The following SHISAL2A variants were observed in gnomAD, a reference collection of about 807,000 sequenced individuals.
The protein encoded by SHISAL2A is shisa like 2A, also known as protein shisa-like-2A.
A neutral mutation model predicts 11.5 loss-of-function variants in SHISAL2A; 18 were observed. The ratio of observed to expected loss-of-function variants is 1.57; its 90% CI spans 1.08 to 2.33. The LOEUF is 2.33. SHISAL2A is among the 30% of genes most tolerant of loss of function. The probability of loss-of-function intolerance (pLI) is 0.00; values close to 1 mark genes in which losing one functional copy is unlikely to be tolerated. For synonymous variants in SHISAL2A, 94 were observed against 99.6 expected (o/e 0.94, Z 0.34); for missense variants, 261 against 250.9 (o/e 1.04, Z -0.27).
intron 4 of SHISAL2A, among the ~76,000 whole-genome samples, chr1:52,666,172 C>T (rs1692008646): frequency 6.6e-6 from 1 of 152,198 alleles, no homozygotes; most frequent in Admixed American, 6.5e-5. Context: ...AGTGTACCGG[C>T]TGGGAGCGGT....
At chr1:52,654,331 C>CTAAAG (rs1691743446) in intron 2 of SHISAL2A, among the ~76,000 whole-genome samples, 1 of 151,874 alleles carries the variant, frequency 6.6e-6, no homozygotes, top group Non-Finnish European at 1.5e-5. Flanking sequence ...ACTAGAATAG[C>CTAAAG]TAAAGTAATA....
chr1:52,665,334 G>A (rs1028983924), intron 4 of SHISAL2A, among the ~76,000 whole-genome samples: 5 of 152,182 alleles, frequency 3.3e-5, no homozygotes, highest in African/African-American at 1.2e-4. Flanking sequence ...CTGTGAATCT[G>A]ACATTCTGTA....
At chr1:52,648,893 G>A (rs904101763) in intron 2 of SHISAL2A, among the ~76,000 whole-genome samples, 2 of 150,902 alleles carry the variant, frequency 1.3e-5, no homozygotes, top group East Asian at 2.0e-4. Context: ...TTCATCCCTC[G>A]GCCCTGTGAA....
intron 4 of SHISAL2A, among the ~76,000 whole-genome samples, chr1:52,662,956 G>T (rs909747876): frequency 6.6e-6 from 1 of 152,186 alleles, no homozygotes; most frequent in South Asian, 2.1e-4. Flanking sequence ...GGCTGCTGTC[G>T]TGCAGCCAGC....
chr1:52,641,190 G>A (rs1691355947), intron 1 of SHISAL2A, among the ~76,000 whole-genome samples: 1 of 152,102 alleles, frequency 6.6e-6, no homozygotes, highest in Non-Finnish European at 1.5e-5. Context: ...AAACATAAGT[G>A]TTTTTTTGAG....
At chr1:52,645,385 T>C (rs927241999) in intron 2 of SHISAL2A, among the ~76,000 whole-genome samples, 1 of 151,892 alleles carries the variant, frequency 6.6e-6, no homozygotes, top group African/African-American at 2.4e-5. Flanking sequence ...CAGAGACAAC[T>C]GAGGCTTCAA....
chr1:52,660,424 T>A (rs1419802941), downstream of SHISAL2A, among the ~76,000 whole-genome samples: 1 of 152,072 alleles, frequency 6.6e-6, no homozygotes, highest in East Asian at 1.9e-4. Flanking sequence ...GCCCACCCTG[T>A]GTGATAGGAG....
chr1:52,645,539 G>A (rs1691481260), intron 2 of SHISAL2A, among the ~76,000 whole-genome samples: 1 of 152,102 alleles, frequency 6.6e-6, no homozygotes, highest in African/African-American at 2.4e-5. Flanking sequence ...CTCCTGAATA[G>A]CAGGACTACA....
intron 1 of SHISAL2A, among the ~76,000 whole-genome samples, chr1:52,638,128 T>C (rs1319442407): frequency 6.6e-6 from 1 of 152,052 alleles, no homozygotes; most frequent in East Asian, 1.9e-4. Context: ...GGAGTTTAGT[T>C]CCTCTGTCAC....
chr1:52,654,250 TAGATAGATAGAC>T (rs1322231313), intron 2 of SHISAL2A, among the ~76,000 whole-genome samples: 38 of 145,806 alleles, frequency 2.6e-4, no homozygotes, highest in African/African-American at 8.8e-4. Flanking sequence ...GATAGATAGA[TAGATAGATAGAC>T]AGATAGATAG....
At chr1:52,657,155 T>C, downstream of SHISAL2A, 1 of 1,370,108 alleles carries the variant, frequency 7.3e-7, no homozygotes, top group South Asian at 1.4e-5. Flanking sequence ...CCAGCAAAGA[T>C]ACCCAGCCCT....
At chr1:52,664,443 C>T (rs1691969875) in intron 4 of SHISAL2A, among the ~76,000 whole-genome samples, 1 of 151,990 alleles carries the variant, frequency 6.6e-6, no homozygotes, top group African/African-American at 2.4e-5. Flanking sequence ...GCAACCTCCA[C>T]CTCCCGGGTT....
At chr1:52,659,348 C>G (rs1691861740), downstream of SHISAL2A, 1 of 152,974 alleles carries the variant, frequency 6.5e-6, no homozygotes, top group African/African-American at 2.4e-5. Flanking sequence ...GCACTTAAAA[C>G]CCAGCACCCT....
At chr1:52,648,418 G>T (rs1691550980) in intron 2 of SHISAL2A, among the ~76,000 whole-genome samples, 1 of 152,044 alleles carries the variant, frequency 6.6e-6, no homozygotes, top group Non-Finnish European at 1.5e-5. Context: ...AACTGGGTAG[G>T]GTATAGATCA....
chr1:52,649,591 G>A (rs1280139588), intron 2 of SHISAL2A, among the ~76,000 whole-genome samples: 1 of 152,178 alleles, frequency 6.6e-6, no homozygotes, highest in Admixed American at 6.5e-5. Flanking sequence ...TGGCAATGAA[G>A]ACCATAACTT....
intron 1 of SHISAL2A, among the ~76,000 whole-genome samples, chr1:52,639,183 A>G (rs1468642937): frequency 6.6e-6 from 1 of 151,966 alleles, no homozygotes; most frequent in African/African-American, 2.4e-5. Flanking sequence ...AGAAAAGAAA[A>G]AAAAAAAGAA....
At chr1:52,665,577 A>T (rs1017500751) in intron 4 of SHISAL2A, among the ~76,000 whole-genome samples, 2 of 152,052 alleles carry the variant, frequency 1.3e-5, no homozygotes, top group Admixed American at 1.3e-4. Flanking sequence ...TTCATTACAC[A>T]TTTTTCTTCC....
chr1:52,637,569 A>G (rs1691264716), intron 1 of SHISAL2A, among the ~76,000 whole-genome samples: 1 of 152,154 alleles, frequency 6.6e-6, no homozygotes, highest in African/African-American at 2.4e-5. Context: ...ACCCTCCTCC[A>G]TCACTAGTTC....
chr1:52,638,497 GAGAA>G (rs1312766268), intron 1 of SHISAL2A, among the ~76,000 whole-genome samples: 5 of 152,194 alleles, frequency 3.3e-5, no homozygotes, highest in Non-Finnish European at 5.9e-5. Flanking sequence ...GAAATGAAAA[GAGAA>G]AGAAGTCATG....
Sources: gnomAD v4.1 joint callset for allele counts (sites outside exome capture counted in the v4.1 genomes callset) on GRCh38, gnomAD v4.1.1 for gene constraint, MANE v1.5 for transcripts, NCBI Gene and HGNC (gene_info 2026-07-23, HGNC 2026-07-21) for gene names.